Variants in PCDH15 observed in about 807,000 individuals in gnomAD.
PCDH15 encodes the protein protocadherin-15.
In PCDH15, 129 loss-of-function variants were observed where a neutral mutation model predicts 178.5. The observed-to-expected ratio is 0.72, with a 90% CI of 0.63 to 0.84. The LOEUF is 0.84. Ranked by LOEUF, PCDH15 falls within the 40% of genes least tolerant of loss-of-function variation. The probability of loss-of-function intolerance (pLI) is 0.00; values close to 1 mark genes in which losing one functional copy is unlikely to be tolerated. For synonymous variants in PCDH15, 800 were observed against 732.0 expected (o/e 1.09, Z -1.50); for missense variants, 2,230 against 2,099.9 (o/e 1.06, Z -1.21).
intron 14 of PCDH15, among the ~76,000 whole-genome samples, chr10:54,133,858 T>TACATAC (rs1554806815): frequency 7.5e-6 from 1 of 133,856 alleles, no homozygotes; most frequent in Non-Finnish European, 1.6e-5. Context: ...TATGTATACA[T>TACATAC]ACACACACAC....
At chr10:54,037,237 G>T in intron 18 of PCDH15, among the ~76,000 whole-genome samples, 1 of 151,930 alleles carries the variant, frequency 6.6e-6, no homozygotes, top group East Asian at 1.9e-4. Context: ...GGATTAAGAA[G>T]ATTGACTCCA....
At chr10:54,693,173 T>C (rs1468751450) in intron 1 of PCDH15, among the ~76,000 whole-genome samples, 3 of 152,040 alleles carry the variant, frequency 2.0e-5, no homozygotes, top group African/African-American at 7.2e-5. Context: ...TAAAAAGAAA[T>C]AAAACCATTC....
chr10:55,472,210 T>TA (rs1839970090), intron 2 of PCDH15, among the ~76,000 whole-genome samples: 1 of 152,220 alleles, frequency 6.6e-6, no homozygotes, highest in Non-Finnish European at 1.5e-5. Flanking sequence ...TCTCTGCTTT[T>TA]AAAGGAACCT....
chr10:54,703,643 G>A (rs889033738), intron 1 of PCDH15, among the ~76,000 whole-genome samples: 6 of 151,722 alleles, frequency 4.0e-5, no homozygotes, highest in South Asian at 4.2e-4. Context: ...TCACAAAAAC[G>A]TAAAATACCT....
intron 2 of PCDH15, among the ~76,000 whole-genome samples, chr10:54,958,557 GAAAC>G (rs1262262389): frequency 1.3e-5 from 2 of 151,650 alleles, no homozygotes; most frequent in African/African-American, 4.8e-5. Context: ...ATCAAAGATA[GAAAC>G]AAACAATAGT....
intron 2 of PCDH15, among the ~76,000 whole-genome samples, chr10:55,069,024 AG>A (rs1841644406): frequency 6.6e-6 from 1 of 151,010 alleles, no homozygotes; most frequent in African/African-American, 2.4e-5. Flanking sequence ...CACCCTCCGA[AG>A]TAGCTGGGAT....
chr10:55,573,905 A>G (rs1842451539), intron 2 of PCDH15, among the ~76,000 whole-genome samples: 2 of 151,868 alleles, frequency 1.3e-5, no homozygotes, highest in African/African-American at 4.8e-5. Context: ...TTTTAAATAT[A>G]TTAATATATA....
intron 1 of PCDH15, among the ~76,000 whole-genome samples, chr10:55,309,522 T>TA (rs397970217): frequency 8.2e-4 from 118 of 144,168 alleles, no homozygotes; most frequent in African/African-American, 1.2e-3. Context: ...CCTTATCTTT[T>TA]AAAAAAAAAA....
At chr10:53,871,223 C>G (rs2079823589) in intron 26 of PCDH15, among the ~76,000 whole-genome samples, 1 of 151,328 alleles carries the variant, frequency 6.6e-6, no homozygotes, top group Non-Finnish European at 1.5e-5. Context: ...CACCTGTAGT[C>G]CCAGCTACTC....
chr10:54,143,651 T>G (rs566066967), intron 14 of PCDH15, among the ~76,000 whole-genome samples: 1 of 152,296 alleles, frequency 6.6e-6, no homozygotes, highest in Non-Finnish European at 1.5e-5. Context: ...TTTTTGTGGC[T>G]TTTATCTTTG....
chr10:55,198,274 GTCTCTACCCAAA>G (rs1369809959), intron 1 of PCDH15, among the ~76,000 whole-genome samples: 1 of 152,074 alleles, frequency 6.6e-6, no homozygotes, highest in Non-Finnish European at 1.5e-5. Context: ...TTGGCTCTGT[GTCTCTACCCAAA>G]TTTCATGTTG....
intron 2 of PCDH15, among the ~76,000 whole-genome samples, chr10:54,971,959 C>G (rs1406779138): frequency 6.6e-6 from 1 of 152,134 alleles, no homozygotes; most frequent in East Asian, 1.9e-4. Flanking sequence ...CCACCTTCCC[C>G]AGGCAGGACA....
intron 2 of PCDH15, among the ~76,000 whole-genome samples, chr10:55,502,237 T>C (rs1337717262): frequency 6.6e-6 from 1 of 151,670 alleles, no homozygotes; most frequent in Non-Finnish European, 1.5e-5. Flanking sequence ...CCCACTTGTA[T>C]TGCTCTTTAT....
At chr10:54,394,610 ATTGCTAATGAAGT>A (rs1337972077) in intron 3 of PCDH15, among the ~76,000 whole-genome samples, 1 of 152,196 alleles carries the variant, frequency 6.6e-6, no homozygotes. Flanking sequence ...TGAAATTAAA[ATTGCTAATGAAGT>A]TTCGGGCACC....
chr10:53,900,322 C>A (rs969243304), intron 26 of PCDH15, among the ~76,000 whole-genome samples: 5 of 150,432 alleles, frequency 3.3e-5, no homozygotes, highest in African/African-American at 9.8e-5. Context: ...AAGTTGGTTT[C>A]CTAGAAAGGA....
At chr10:54,813,666 T>C (rs533355942) in intron 3 of PCDH15, among the ~76,000 whole-genome samples, 1 of 152,326 alleles carries the variant, frequency 6.6e-6, no homozygotes, top group East Asian at 1.9e-4. Flanking sequence ...ACCACAATCA[T>C]TGTTCTTCAA....
intron 28 of PCDH15, among the ~76,000 whole-genome samples, chr10:53,848,086 GA>G (rs1408124761): frequency 6.6e-6 from 1 of 151,910 alleles, no homozygotes; most frequent in Non-Finnish European, 1.5e-5. Context: ...ATAAATTGAA[GA>G]AAGTATAGAA....
chr10:55,207,415 C>T (rs1840431931), intron 1 of PCDH15, among the ~76,000 whole-genome samples: 1 of 152,010 alleles, frequency 6.6e-6, no homozygotes. Flanking sequence ...CCCGAGTAAC[C>T]ACTATGCATT....
At chr10:54,539,638 T>C (rs1438918484) in intron 2 of PCDH15, among the ~76,000 whole-genome samples, 2 of 152,186 alleles carry the variant, frequency 1.3e-5, no homozygotes, top group Non-Finnish European at 2.9e-5. Flanking sequence ...GCATAATTGA[T>C]GTTTACAGGA....
Sources: gnomAD v4.1 joint callset for allele counts (sites outside exome capture counted in the v4.1 genomes callset) on GRCh38, gnomAD v4.1.1 for gene constraint, MANE v1.5 for transcripts, NCBI Gene and HGNC (gene_info 2026-07-23, HGNC 2026-07-21) for gene names.